Variants in TRIO observed in about 807,000 individuals in gnomAD.
TRIO encodes triple functional domain protein.
Under a neutral mutation model 351.9 loss-of-function variants are expected in TRIO, and 58 were observed. The observed-to-expected ratio is 0.16, with a 90% CI of 0.13 to 0.21. The LOEUF (loss-of-function observed/expected upper bound fraction) is 0.21, where lower values mean the gene tolerates loss of function less well. Ranked by LOEUF, TRIO falls within the 10% of genes least tolerant of loss-of-function variation. The pLI, the probability that TRIO is intolerant of heterozygous loss-of-function variation, is 1.00. For synonymous variants in TRIO, 1,758 were observed against 1,595.7 expected (o/e 1.10, Z -2.42); for missense variants, 3,201 against 4,027.8 (o/e 0.79, Z 5.56).
Position 14,369,354 on chromosome 5 carries a change from C to G in TRIO, c.3067-20C>G. ...AGTGGCAGATGCCAAGTCTGAGCCT[C>G]AAACTTTTCCTGCTCACAGGTCTGC... On this transcript the variant is annotated intron_variant, in intron 17 of 56. Transcript: ENST00000344204. The G allele has an allele frequency of 6.3e-7, 1 of 1,588,528 alleles. No homozygotes were observed. The highest frequency in any genetic ancestry group is 1.1e-5 in the South Asian group (1 of 87,820).
chr5:14,175,821 A>G (rs915790369), intron 1 of TRIO, among the ~76,000 whole-genome samples: 1 of 152,240 alleles, frequency 6.6e-6, no homozygotes, highest in Non-Finnish European at 1.5e-5. Context: ...AATAGACGGG[A>G]TACCTAGACT....
At chr5:14,471,244 A>G in intron 37 of TRIO, 74 bp from the exon 38 acceptor site, 1 of 1,446,858 alleles carries the variant, frequency 6.9e-7, no homozygotes, top group Non-Finnish European at 9.2e-7. Context: ...GACTTTGGGT[A>G]TTTTCTTGTC....
rs549154070 is a variant in TRIO, at chr5:14,468,905, C to T, written c.5764-2413C>T. Among the ~76,000 whole-genome samples, 544 of 152,268 alleles carry T rather than the reference C, an allele frequency of 3.6e-3. 2 individuals are homozygous for T. Among genetic ancestry groups the T allele is most frequent in the Non-Finnish European group, 5.7e-3 (386 of 68,008 alleles). ...ATTTGACTCGAAAAATGAAAGCCCC[C>T]CTGAAAACTGTTCCCTGGATTCATT... On this transcript the variant is annotated intron_variant, in intron 37 of 56. Transcript: ENST00000344204.
chr5:14,488,640 C>A (rs138642199), intron 48 of TRIO: 18 of 515,894 alleles, frequency 3.5e-5, no homozygotes, highest in Middle Eastern at 5.1e-4. Context: ...GAAACCTGTA[C>A]ACTTTAAGCT....
intron 1 of TRIO, among the ~76,000 whole-genome samples, chr5:14,147,754 T>A (rs1787600883): frequency 6.6e-6 from 1 of 152,216 alleles, no homozygotes; most frequent in Non-Finnish European, 1.5e-5. Context: ...TTCATATTTA[T>A]ACCTTGAATG....
chr5:14,459,636 A>C (rs759857372), intron 34 of TRIO, among the ~76,000 whole-genome samples: 12 of 152,170 alleles, frequency 7.9e-5, no homozygotes, highest in Non-Finnish European at 1.2e-4. Context: ...GCTACTTGGG[A>C]GGCTGAGACG....
At chr5:14,505,449 G>T (rs1018350821) in intron 55 of TRIO, among the ~76,000 whole-genome samples, 1 of 152,180 alleles carries the variant, frequency 6.6e-6, no homozygotes, top group African/African-American at 2.4e-5. Context: ...CATGGGGAAG[G>T]GTAAAACCTT....
At chr5:14,471,960 G>A (rs1579755472) in intron 38 of TRIO, among the ~76,000 whole-genome samples, 1 of 152,158 alleles carries the variant, frequency 6.6e-6, no homozygotes, top group Non-Finnish European at 1.5e-5. Flanking sequence ...GAGACTGGGT[G>A]TTTTATTCAG....
Position 14,297,207 on chromosome 5 carries a change from G to A in TRIO, c.1312G>A (p.Asp438Asn). ...QEWKAFAAAL[D>N]ERSTLLDMSS... ...GTGGAAGGCGTTTGCGGCAGCCCTGGATGAGCGGAGCACCTTGCTGGACAT... is the reference window on the plus strand; with the variant it reads ...GTGGAAGGCGTTTGCGGCAGCCCTGAATGAGCGGAGCACCTTGCTGGACAT... Residue 438 changes from aspartate (D) to asparagine (N), a missense_variant, in exon 7 of 57, where the codon GAT becomes AAT. Around this residue, in one of 19 missense-constraint regions of TRIO, gnomAD observed 349 missense variants for 449.3 expected, o/e 0.78. Transcript: ENST00000344204. The A allele has an allele frequency of 6.2e-7, 1 of 1,614,188 alleles. No individual in the cohort carries two copies. The highest frequency in any genetic ancestry group is 8.5e-7 in the Non-Finnish European group (1 of 1,180,026).
At chr5:14,292,003 T>C (rs920370363) in intron 5 of TRIO, among the ~76,000 whole-genome samples, 1 of 152,172 alleles carries the variant, frequency 6.6e-6, no homozygotes, top group Non-Finnish European at 1.5e-5. Flanking sequence ...TGAATCCTTA[T>C]CAATTACTGG....
intron 34 of TRIO, among the ~76,000 whole-genome samples, chr5:14,431,817 C>T (rs1751174787): frequency 6.6e-6 from 1 of 152,232 alleles, no homozygotes; most frequent in Admixed American, 6.5e-5. Context: ...GGGTCGGCTT[C>T]CTCTGGGGCC....
chr5:14,502,762 G>A lies in TRIO; in HGVS notation c.8411+105G>A, dbSNP rs896013941. The A allele has an allele frequency of 2.8e-6, 3 of 1,076,436 alleles. No individual in the cohort carries two copies. The African/African-American group carries it at 4.6e-5, about 17-fold the overall frequency. 66.7% of individuals were successfully genotyped at this position (1,076,436 alleles called of 1,614,324 possible). A position where few individuals can be genotyped will look rare whatever the true frequency, so the allele number is the denominator to read the frequency against. Reference sequence around the variant, plus strand: ...AGCAGTGTTATCTTGCCAGCAATTGGAAGCTGTGTGTCTTGCATTTGAATC... The same window carrying A: ...AGCAGTGTTATCTTGCCAGCAATTGAAAGCTGTGTGTCTTGCATTTGAATC... On this transcript the variant is annotated intron_variant, in intron 54 of 56. Coordinates refer to ENST00000344204, the MANE Select transcript of TRIO (RefSeq NM_007118.4).
intron 15 of TRIO, among the ~76,000 whole-genome samples, chr5:14,366,370 A>G (rs1044499377): frequency 3.3e-5 from 5 of 152,108 alleles, no homozygotes; most frequent in Non-Finnish European, 7.4e-5. Context: ...ATTGTAGCAC[A>G]ATGTTATTCA....
intron 9 of TRIO, among the ~76,000 whole-genome samples, chr5:14,326,948 G>A (rs1740445044): frequency 6.6e-6 from 1 of 152,104 alleles, no homozygotes; most frequent in African/African-American, 2.4e-5. Flanking sequence ...TATTTTAAAA[G>A]TGGAAATTAT....
intron 1 of TRIO, among the ~76,000 whole-genome samples, chr5:14,227,927 T>C (rs1793151950): frequency 1.3e-5 from 2 of 152,200 alleles, no homozygotes; most frequent in African/African-American, 2.4e-5. Flanking sequence ...ACTTGTTGTA[T>C]ATTTGATATT....
chr5:14,298,951 G>C (rs1036007825), intron 7 of TRIO, among the ~76,000 whole-genome samples: 5 of 152,124 alleles, frequency 3.3e-5, no homozygotes, highest in Middle Eastern at 3.2e-3. Flanking sequence ...CAATACCCTC[G>C]ATCATTTGGC....
intron 41 of TRIO, among the ~76,000 whole-genome samples, chr5:14,478,722 G>A (rs914464909): frequency 4.0e-5 from 6 of 150,958 alleles, no homozygotes; most frequent in African/African-American, 1.5e-4. Context: ...GGCAGCCAAG[G>A]CAGGAGGGTT....
chr5:14,471,249 C>A, intron 37 of TRIO, 69 bp from the exon 38 acceptor site: 1 of 1,462,568 alleles, frequency 6.8e-7, no homozygotes, highest in Non-Finnish European at 9.1e-7. Flanking sequence ...TGGGTATTTT[C>A]TTGTCTTAGT....
chr5:14,176,298 C>T (rs554240607), intron 1 of TRIO, among the ~76,000 whole-genome samples: 36 of 152,210 alleles, frequency 2.4e-4, no homozygotes, highest in East Asian at 1.2e-3. Flanking sequence ...GGTGAAACCC[C>T]GTCTCTACTA....
Sources: gnomAD v4.1 joint callset for allele counts (sites outside exome capture counted in the v4.1 genomes callset) on GRCh38, gnomAD v4.1.1 for gene constraint, gnomAD v4.1.1 regional missense constraint, MANE v1.5 for transcripts, NCBI Gene and HGNC (gene_info 2026-07-23, HGNC 2026-07-21) for gene names.